Variants in KCND3 observed in about 807,000 individuals in gnomAD.
KCND3 encodes the protein A-type voltage-gated potassium channel KCND3.
Under a neutral mutation model 51.1 loss-of-function variants are expected in KCND3, and 9 were observed. That is an observed-to-expected ratio of 0.18 (90% CI 0.11 to 0.31). The LOEUF (loss-of-function observed/expected upper bound fraction) is 0.31, where lower values mean the gene tolerates loss of function less well. Ranked by LOEUF, KCND3 falls within the 10% of genes least tolerant of loss-of-function variation. The pLI, the probability that KCND3 is intolerant of heterozygous loss-of-function variation, is 1.00. For missense variants in KCND3, 526 were observed against 903.8 expected, an observed-to-expected ratio of 0.58 and a Z score of 5.36; for synonymous variants, 349 against 368.0, an observed-to-expected ratio of 0.95 and a Z score of 0.59.
At chr1:111,933,768 A>T (rs546783516) in intron 2 of KCND3, among the ~76,000 whole-genome samples, 13 of 151,662 alleles carry the variant, frequency 8.6e-5, no homozygotes, top group Admixed American at 2.6e-4. Flanking sequence ...AGTGACTTTC[A>T]CTAGACATCT....
chr1:111,870,711 C>T (rs558560043), intron 2 of KCND3, among the ~76,000 whole-genome samples: 1 of 94,488 alleles, frequency 1.1e-5, no homozygotes, highest in African/African-American at 3.3e-5. Flanking sequence ...TGGGATTGCA[C>T]TCAGTGAAAG....
intron 2 of KCND3, among the ~76,000 whole-genome samples, chr1:111,974,002 C>T (rs953947558): frequency 3.9e-5 from 6 of 152,204 alleles, no homozygotes; most frequent in African/African-American, 1.2e-4. Flanking sequence ...CGAGTCCTGA[C>T]ACCCAGAATA....
At chr1:111,878,705 C>T (rs148061426) in intron 2 of KCND3, among the ~76,000 whole-genome samples, 1 of 152,214 alleles carries the variant, frequency 6.6e-6, no homozygotes, top group Non-Finnish European at 1.5e-5. Context: ...ACTCCTGCCC[C>T]CTGGAACAGC....
At chr1:111,979,977 T>A (rs1369523651) in intron 2 of KCND3, among the ~76,000 whole-genome samples, 1 of 152,054 alleles carries the variant, frequency 6.6e-6, no homozygotes, top group East Asian at 1.9e-4. Context: ...GAAGTGGAAG[T>A]GAGGTGTCTG....
intron 2 of KCND3, among the ~76,000 whole-genome samples, chr1:111,973,228 G>A (rs2101967833): frequency 6.6e-6 from 1 of 152,330 alleles, no homozygotes; most frequent in South Asian, 2.1e-4. Flanking sequence ...ATGCCACTGG[G>A]AGAAATCCAG....
intron 3 of KCND3, among the ~76,000 whole-genome samples, chr1:111,784,103 TCACACACACACACACA>T (rs369429634): frequency 6.0e-5 from 7 of 117,482 alleles, no homozygotes; most frequent in Admixed American, 1.7e-4. Flanking sequence ...CATTAACTTA[TCACACACACACACACA>T]CACACACACA....
chr1:111,939,611 T>A (rs1041720753), intron 2 of KCND3, among the ~76,000 whole-genome samples: 1 of 152,204 alleles, frequency 6.6e-6, no homozygotes, highest in Non-Finnish European at 1.5e-5. Context: ...ACATTTTCTT[T>A]ATCCAGTCTA....
At chr1:111,983,472 A>G (rs1444020268) in intron 1 of KCND3, among the ~76,000 whole-genome samples, 1 of 152,068 alleles carries the variant, frequency 6.6e-6, no homozygotes, top group Non-Finnish European at 1.5e-5. Flanking sequence ...CTAGCAACCT[A>G]GTATCAAATT....
chr1:111,906,676 T>C (rs1670662648), intron 2 of KCND3, among the ~76,000 whole-genome samples: 1 of 152,224 alleles, frequency 6.6e-6, no homozygotes, highest in Non-Finnish European at 1.5e-5. Flanking sequence ...GGCTCAGAGA[T>C]ATCCCCTCGA....
At chr1:111,928,428 T>C (rs1450411954) in intron 2 of KCND3, among the ~76,000 whole-genome samples, 1 of 152,208 alleles carries the variant, frequency 6.6e-6, no homozygotes, top group African/African-American at 2.4e-5. Context: ...CCATGCCTGC[T>C]GTTCCACCTC....
chr1:111,948,830 C>T (rs1313478524), intron 2 of KCND3, among the ~76,000 whole-genome samples: 2 of 151,770 alleles, frequency 1.3e-5, no homozygotes, highest in Admixed American at 6.6e-5. Flanking sequence ...GAGGGATAGG[C>T]GAGAAGGGAA....
chr1:111,956,354 C>G (rs892457187), intron 2 of KCND3, among the ~76,000 whole-genome samples: 1 of 152,208 alleles, frequency 6.6e-6, no homozygotes, highest in African/African-American at 2.4e-5. Flanking sequence ...AGTTCCGGAG[C>G]CCGAGGGGGC....
chr1:111,895,056 G>A (rs1026453270), intron 2 of KCND3, among the ~76,000 whole-genome samples: 2 of 149,938 alleles, frequency 1.3e-5, no homozygotes, highest in Non-Finnish European at 3.0e-5. Context: ...AGAGGGAGAG[G>A]AAGCATGAGG....
intron 2 of KCND3, among the ~76,000 whole-genome samples, chr1:111,807,157 C>G (rs1029049949): frequency 6.6e-6 from 1 of 152,120 alleles, no homozygotes; most frequent in African/African-American, 2.4e-5. Context: ...GAAGAAGACA[C>G]CATGAGTAAG....
At chr1:111,788,170 G>T (rs1173581562) in intron 2 of KCND3, among the ~76,000 whole-genome samples, 1 of 152,258 alleles carries the variant, frequency 6.6e-6, no homozygotes, top group East Asian at 1.9e-4. Flanking sequence ...TCAATAAGAT[G>T]CTTTCCACAG....
chr1:111,974,332 C>A (rs1266507068), intron 2 of KCND3, among the ~76,000 whole-genome samples: 2 of 151,680 alleles, frequency 1.3e-5, no homozygotes, highest in Admixed American at 6.6e-5. Context: ...TGCACTTCTT[C>A]CAAATAAATT....
chr1:111,864,313 G>A (rs934765130), intron 2 of KCND3, among the ~76,000 whole-genome samples: 1 of 152,216 alleles, frequency 6.6e-6, no homozygotes, highest in African/African-American at 2.4e-5. Flanking sequence ...ATTGCTGTTG[G>A]TGGGGCAGCC....
chr1:111,942,231 G>A (rs1187079952), intron 2 of KCND3, among the ~76,000 whole-genome samples: 1 of 152,164 alleles, frequency 6.6e-6, no homozygotes, highest in Non-Finnish European at 1.5e-5. Flanking sequence ...CATACTTATG[G>A]AGTATCTGCA....
chr1:111,933,887 C>A (rs944781543), intron 2 of KCND3, among the ~76,000 whole-genome samples: 1 of 152,234 alleles, frequency 6.6e-6, no homozygotes, highest in African/African-American at 2.4e-5. Context: ...TCTGTCTACA[C>A]TGCCCAAGAC....
Sources: allele counts gnomAD v4.1 joint callset (sites outside exome capture counted in the v4.1 genomes callset), GRCh38; gene constraint gnomAD v4.1.1; transcripts MANE v1.5; gene names NCBI Gene and HGNC (gene_info 2026-07-23, HGNC 2026-07-21).